RNF40: variants seen among roughly 807,000 people sequenced by gnomAD.
RNF40 encodes the protein E3 ubiquitin-protein ligase BRE1B.
Under a neutral mutation model 123.3 loss-of-function variants are expected in RNF40, and 39 were observed. That is an observed-to-expected ratio of 0.32 (90% confidence interval 0.24 to 0.41). The LOEUF (loss-of-function observed/expected upper bound fraction) is 0.41, where lower values mean the gene tolerates loss of function less well. RNF40 is among the 10% of genes least tolerant of loss of function. The pLI is 1.00. For missense variants in RNF40, 1,003 were observed against 1,319.9 expected (o/e 0.76, Z 3.72); for synonymous variants, 538 against 526.0 (o/e 1.02, Z -0.31).
At chr16:30,762,284 G>GT (rs966921861), upstream of RNF40, 53 of 453,560 alleles carry the variant, frequency 1.2e-4, no homozygotes, top group Admixed American at 2.1e-4. Context: ...CGTTGGGGGG[G>GT]GGGCAGTGGC....
In RNF40 at chr16:30,762,457, G is replaced by C. The variant is rs983519634; in HGVS notation, c.-71-18G>C. ...GAACACCAGCCGTTCCCACATCTCT[G>C]CTCTGTGTCTTCTGCAGGTGACGGA... On this transcript the variant is annotated intron_variant, in intron 1 of 19. Coordinates refer to ENST00000324685, the MANE Select transcript of RNF40 (RefSeq NM_014771.4). 3 of 1,368,622 alleles carry C rather than the reference G, an allele frequency of 2.2e-6. No homozygotes were observed. The African/African-American group carries it at 4.4e-5, about 20-fold the overall frequency. The allele number at this position is 1,368,622 out of a possible 1,614,324, so 84.8% of individuals were successfully genotyped here. A position where few individuals can be genotyped will look rare whatever the true frequency, so the allele number is the denominator to read the frequency against.
In RNF40 at chr16:30,766,867, G is replaced by A; in HGVS notation, c.1420G>A (p.Glu474Lys). The change falls in exon 11 of 20, where the codon GAG (glutamate) becomes AAG (lysine). Residue 474 changes from glutamate to lysine, a missense_variant. Around this residue, in one of 11 missense-constraint regions of RNF40, gnomAD observed 30 missense variants for 68.9 expected, o/e 0.44. Transcript: ENST00000324685. The surrounding 1 kb of genome is among the most constrained non-coding windows in gnomAD (Gnocchi z 5.4). ...IEFEQNLAAN[E>K]QAGPINREMR... ...GTTTGAGCAGAATCTGGCGGCCAAC[G>A]AGCAGGCGGGTATGTGGTGAGGATA... 1.2e-6 allele frequency: 2 copies of A among 1,613,140 alleles called. No homozygotes were observed. Among genetic ancestry groups the A allele is most frequent in the Non-Finnish European group, 8.5e-7 (1 of 1,179,898 alleles).
intron 5 of RNF40, 29 bp downstream of exon 5, chr16:30,764,414 G>T (rs1325662661): frequency 1.9e-6 from 3 of 1,584,894 alleles, no homozygotes; most frequent in East Asian, 2.3e-5. Context: ...TACTGAAGGG[G>T]TGTCCATCCC....
Position 30,766,634 on chromosome 16 carries a change from G to C in RNF40, c.1293+76G>C, listed in dbSNP as rs2054037468. On this transcript the variant is annotated intron_variant, in intron 10 of 19. Transcript: ENST00000324685. This position sits in a 1 kb window ranked among gnomAD's most constrained non-coding sequence, Gnocchi z 5.4. ...TGTTGACGTGTTTGTGCCTTCCGAG[G>C]CCCTGTGTGCCAGCCAGGGGTCCCT... 2 of 1,582,466 alleles carry C rather than the reference G, an allele frequency of 1.3e-6. No individual in the cohort carries two copies. The highest frequency in any genetic ancestry group is 1.7e-6 in the Non-Finnish European group (2 of 1,162,276).
Position 30,764,955 on chromosome 16 carries a change from A to T in RNF40, c.667A>T (p.Ser223Cys). 1 of 1,612,276 alleles carries T rather than the reference A, an allele frequency of 6.2e-7. No individual in the cohort carries two copies. Among genetic ancestry groups the T allele is most frequent in the Non-Finnish European group, 8.5e-7 (1 of 1,179,908 alleles). ...CTTCCCAGGGGACAGTGAGCCCCTC[A>T]GTGAGGCGGCTCAGGCACACACCCG... ...VYSRGDSEPLSEAAQAHTREL... is the reference protein window; with the variant it reads ...VYSRGDSEPLCEAAQAHTREL... The change falls in exon 6 of 20, where the codon AGT (serine) becomes TGT (cysteine). Residue 223 changes from serine to cysteine, a missense_variant. Coordinates refer to ENST00000324685, the MANE Select transcript of RNF40 (RefSeq NM_014771.4).
Position 30,764,918 on chromosome 16 carries a change from C to T in RNF40, c.650-20C>T. 6.2e-7 allele frequency: 1 copy of T among 1,608,500 alleles called. No individual in the cohort carries two copies. Among genetic ancestry groups the T allele is most frequent in the South Asian group, 1.1e-5 (1 of 90,680 alleles). ...CCCATTGCCCTGAGCTGGGCTCTTA[C>T]CTGGGCCCTGCCTTCCCAGGGGACA... On this transcript the variant is annotated intron_variant, in intron 5 of 19. Transcript: ENST00000324685.
chr16:30,767,512 GA>G (rs2054057852), intron 11 of RNF40, among the ~76,000 whole-genome samples: 1 of 150,508 alleles, frequency 6.6e-6, no homozygotes, highest in South Asian at 2.1e-4. Flanking sequence ...AAAAAAAAAA[GA>G]AAAAACCTAG....
chr16:30,762,737 C>A, intron 2 of RNF40, 60 bp downstream of exon 2: 2 of 1,581,796 alleles, frequency 1.3e-6, no homozygotes, highest in East Asian at 4.5e-5. Context: ...TGTTCTCTGG[C>A]CAAACTGTGC....
rs761489393 is a variant in RNF40 at position 30,765,505 on chromosome 16, C to A, written c.993+6C>A. 2 of 1,613,164 alleles carry A rather than the reference C, an allele frequency of 1.2e-6. No individual in the cohort carries two copies. The highest frequency in any genetic ancestry group is 1.7e-6 in the Non-Finnish European group (2 of 1,179,464). On this transcript the variant is annotated splice_donor_region_variant and intron_variant, in intron 8 of 19. Coordinates refer to ENST00000324685, the MANE Select transcript of RNF40 (RefSeq NM_014771.4). ...TCACACTCAGCATGCAGAAGGTGAG[C>A]GGCGTTTTCCTCCCACCCCTTCTCA... is the stretch of plus-strand genomic sequence containing the variant.
chr16:30,771,733 G>A, intron 17 of RNF40, 100 bp from the exon 18 acceptor site: 1 of 1,374,872 alleles, frequency 7.3e-7, no homozygotes. Context: ...CAGGGCAGGT[G>A]TCACTGGGGC....
rs2054205044 is a variant in RNF40, at chr16:30,774,793, A to G, written c.*679A>G. The stretch of plus-strand genomic sequence containing the variant: ...AACATCATCAGTTTCTATTCTAATC[A>G]GGCCCCTTCCCAATCTCCATTTCTC... On this transcript the variant is annotated 3_prime_UTR_variant, in exon 20 of 20. Coordinates refer to ENST00000324685, the MANE Select transcript of RNF40 (RefSeq NM_014771.4). 1 of 362,580 alleles carries G rather than the reference A, an allele frequency of 2.8e-6. No individual in the cohort carries two copies. The highest frequency in any genetic ancestry group is 2.1e-5 in the South Asian group (1 of 48,544). 22.5% of individuals were successfully genotyped at this position (362,580 alleles called of 1,614,324 possible).
In RNF40 at chr16:30,762,575, C is replaced by A; in HGVS notation, c.30C>A (p.Ala10=). The A allele has an allele frequency of 6.2e-7, 1 of 1,601,906 alleles. No individual in the cohort carries two copies. The highest frequency in any genetic ancestry group is 8.5e-7 in the Non-Finnish European group (1 of 1,177,326). MSGPGNKRA[A]GDGGSGPPEK... is the part of the protein sequence containing the mutation. ...CTGGGCCAGGCAACAAACGCGCCGC[C>A]GGCGACGGGGGCTCAGGGCCCCCGG... The change falls in exon 2 of 20, where the codon GCC becomes GCA. Residue 10 remains alanine, a synonymous_variant. Transcript: ENST00000324685.
At chr16:30,762,989 G>T (rs560379723) in intron 2 of RNF40, 129 bp from the exon 3 acceptor site, 18 of 1,048,242 alleles carry the variant, frequency 1.7e-5, no homozygotes, top group East Asian at 2.6e-5. Context: ...CTTAGATTCT[G>T]TTAGCGGTTA....
intron 19 of RNF40, chr16:30,773,724 A>T: frequency 2.2e-6 from 1 of 464,936 alleles, no homozygotes; most frequent in Non-Finnish European, 3.8e-6. Flanking sequence ...CTGCCCAGTG[A>T]TGAATCCGGA....
rs199734395 is a variant in RNF40 at position 30,763,479 on chromosome 16, C to T, written c.362C>T (p.Ala121Val). The T allele has an allele frequency of 8.7e-6, 14 of 1,613,500 alleles. No homozygotes were observed. Among genetic ancestry groups the T allele is most frequent in the East Asian group, 6.7e-5 (3 of 44,892 alleles). ...GAGAGCCAGGGGGAGCTGTCTTCAG[C>T]GCCTGAGGCACCTGGGACCCAGGAG... ...CHESQGELSS[A>V]PEAPGTQEGP... is the part of the protein sequence containing the mutation. The change falls in exon 4 of 20, where the codon GCG (alanine) becomes GTG (valine). Residue 121 changes from alanine (A) to valine (V), a missense_variant. Physicochemically the swap from Ala to Val is moderately conservative, Grantham distance 64. Coordinates refer to ENST00000324685, the MANE Select transcript of RNF40 (RefSeq NM_014771.4).
upstream of RNF40, chr16:30,762,296 T>TCCAGTGACGC (rs1377666812): frequency 1.3e-5 from 6 of 472,756 alleles, no homozygotes; most frequent in African/African-American, 2.1e-5. Context: ...GGCAGTGGCG[T>TCCAGTGACGC]CCAGTGACGC....
rs751855622 is a variant in RNF40, at chr16:30,775,055, C to T, written c.*941C>T. On this transcript the variant is annotated 3_prime_UTR_variant, in exon 20 of 20. Transcript: ENST00000324685. ...GTCTGCCTGCCCAGCCATGCTCCAT[C>T]GGCTGTGAGGGCAGTGCCCGGAGAG... 3.9e-5 allele frequency: 18 copies of T among 456,328 alleles called. No individual in the cohort carries two copies. The highest frequency in any genetic ancestry group is 8.0e-5 in the African/African-American group (4 of 50,082). 28.3% of individuals were successfully genotyped at this position (456,328 alleles called of 1,614,324 possible). A position where few individuals can be genotyped will look rare whatever the true frequency, so the allele number is the denominator to read the frequency against.
At position 30,768,168 on chromosome 16, in the gene RNF40, C is replaced by A; in HGVS notation, c.1617C>A (p.Gly539=). ...ACCTGGGCCACCCAGAGGATTCTGG[C>A]GTCAGTGCCCCAGCCCCAGGGAAAG... The part of the protein sequence containing the change: ...TPNLGHPEDS[G]VSAPAPGKEE... The change falls in exon 13 of 20, where the codon GGC becomes GGA. Residue 539 remains glycine, a synonymous_variant. Coordinates refer to ENST00000324685, the MANE Select transcript of RNF40 (RefSeq NM_014771.4). This position sits in a 1 kb window ranked among gnomAD's most constrained non-coding sequence, Gnocchi z 4.1. 1 of 1,610,634 alleles carries A rather than the reference C, an allele frequency of 6.2e-7. No homozygotes were observed.
In RNF40 at chr16:30,768,154, C is replaced by G. The variant is rs1375511197; in HGVS notation, c.1603C>G (p.Pro535Ala). The change falls in exon 13 of 20, where the codon CCA becomes GCA. Residue 535 changes from proline to alanine, a missense_variant. By Grantham distance (27) the Pro-to-Ala change is conservative. Transcript: ENST00000324685. The surrounding 1 kb of genome is among the most constrained non-coding windows in gnomAD (Gnocchi z 4.1). ...SAHSTPNLGH[P>A]EDSGVSAPAP... Reference sequence around the variant, plus strand: ...CCACTCCACCCCCAACCTGGGCCACCCAGAGGATTCTGGCGTCAGTGCCCC... The same window carrying G: ...CCACTCCACCCCCAACCTGGGCCACGCAGAGGATTCTGGCGTCAGTGCCCC... The G allele has an allele frequency of 6.2e-7, 1 of 1,609,572 alleles. No individual in the cohort carries two copies. The highest frequency in any genetic ancestry group is 8.5e-7 in the Non-Finnish European group (1 of 1,177,688).
Sources: allele counts gnomAD v4.1 joint callset (sites outside exome capture counted in the v4.1 genomes callset), GRCh38; gene constraint gnomAD v4.1.1; regional missense constraint gnomAD v4.1.1; non-coding constraint Gnocchi (gnomAD v3.1); transcripts MANE v1.5; gene names NCBI Gene and HGNC (gene_info 2026-07-23, HGNC 2026-07-21).